The following IL22RA2 variants were observed in gnomAD, a reference collection of about 807,000 sequenced individuals.
IL22RA2 encodes interleukin-22 receptor subunit alpha-2.
IL22RA2 carries 39 observed loss-of-function variants against 30.7 expected under a neutral mutation model. The ratio of observed to expected loss-of-function variants is 1.27; its 90% CI spans 0.98 to 1.66. The LOEUF is 1.66. Among genes scored for constraint, IL22RA2 ranks in the 40% most tolerant of loss-of-function variants. IL22RA2 has a pLI of 0.00. For missense variants in IL22RA2, 315 were observed against 312.7 expected (o/e 1.01, Z -0.05); for synonymous variants, 103 against 105.0 (o/e 0.98, Z 0.11).
rs532853635 is a variant in IL22RA2, at chr6:137,144,302, C to T, written c.*1322G>A. 4 of 152,236 alleles carry T rather than the reference C, an allele frequency of 2.6e-5. No individual in the cohort carries two copies. The East Asian group carries it at 5.8e-4, about 22-fold the overall frequency. The allele number at this position is 152,236 out of a possible 1,614,324, so 9.4% of individuals were successfully genotyped here. A position where few individuals can be genotyped will look rare whatever the true frequency, so the allele number is the denominator to read the frequency against. On this transcript the variant is annotated 3_prime_UTR_variant, in exon 7 of 7. Transcript: ENST00000296980. ...AGCTCTTGCTCTGCCTCTTATTCTC[C>T]TCCACCCCCCAATACATTTCTGAAT...
chr6:137,171,352 T>C (rs955435476), intron 1 of IL22RA2, among the ~76,000 whole-genome samples: 11 of 152,164 alleles, frequency 7.2e-5, no homozygotes, highest in African/African-American at 2.4e-4. Flanking sequence ...AAATGGGAGA[T>C]GAAAAGTTTC....
chr6:137,155,254 A>T, intron 4 of IL22RA2, 135 bp from the exon 5 acceptor site: 1 of 596,826 alleles, frequency 1.7e-6, no homozygotes, highest in Non-Finnish European at 2.8e-6. Context: ...CCTCTTCAGA[A>T]TCTTTAAAAA....
intron 2 of IL22RA2, among the ~76,000 whole-genome samples, chr6:137,159,183 C>T (rs961225043): frequency 9.8e-5 from 15 of 152,330 alleles, no homozygotes; most frequent in Admixed American, 3.3e-4. Context: ...GTGCTTTCTT[C>T]CTCAAATCAG....
chr6:137,160,181 G>A (rs1486693125), intron 2 of IL22RA2, among the ~76,000 whole-genome samples: 1 of 152,188 alleles, frequency 6.6e-6, no homozygotes, highest in Non-Finnish European at 1.5e-5. Flanking sequence ...GAATTGATTT[G>A]CTAACATGAA....
chr6:137,172,416 G>T (rs1371239430), intron 1 of IL22RA2, among the ~76,000 whole-genome samples: 1 of 152,182 alleles, frequency 6.6e-6, no homozygotes, highest in African/African-American at 2.4e-5. Flanking sequence ...CTCTAGTTGT[G>T]TAATAGAACC....
Position 137,148,120 on chromosome 6 carries a change from AC to A in IL22RA2, c.473-230del, listed in dbSNP as rs1163473511. 3.9e-5 allele frequency among the ~76,000 whole-genome samples: 6 copies of A among 152,324 alleles called. No individual in the cohort carries two copies. The South Asian group carries it at 6.2e-4, about 16-fold the overall frequency. On this transcript the variant is annotated intron_variant, in intron 5 of 6. Transcript: ENST00000296980. ...AATTGCATATGTATTTGAATCTCGAACCTTTATAAATGTAGGGAGTGTTAGA... is the reference window on the plus strand; with the variant it reads ...AATTGCATATGTATTTGAATCTCGAACTTTATAAATGTAGGGAGTGTTAGA...
intron 3 of IL22RA2, 102 bp downstream of exon 3, chr6:137,158,245 T>G: frequency 1.4e-6 from 2 of 1,422,726 alleles, no homozygotes; most frequent in Non-Finnish European, 9.7e-7. Context: ...TCTCAACCCC[T>G]CTGAAACTGA....
intron 6 of IL22RA2, 87 bp downstream of exon 6, chr6:137,147,635 G>A (rs967852264): frequency 9.4e-7 from 1 of 1,065,794 alleles, no homozygotes; most frequent in Non-Finnish European, 1.3e-6. Context: ...AGGCAGAGTA[G>A]CAGAAGAGGA....
chr6:137,145,133 T>G lies in IL22RA2; in HGVS notation c.*491A>C, dbSNP rs1317743592. On this transcript the variant is annotated 3_prime_UTR_variant, in exon 7 of 7. Transcript: ENST00000296980. ...TATATTCATATAAAATAGAAATGTA[T>G]GAAAAATATTCACCTTTATAGAAGT... The G allele has an allele frequency of 6.6e-6, 1 of 151,860 alleles. No individual in the cohort carries two copies. Among genetic ancestry groups the G allele is most frequent in the East Asian group, 1.9e-4 (1 of 5,186 alleles). 9.4% of individuals were successfully genotyped at this position (151,860 alleles called of 1,614,324 possible).
chr6:137,167,260 C>T (rs2114395225), intron 1 of IL22RA2, among the ~76,000 whole-genome samples: 1 of 152,276 alleles, frequency 6.6e-6, no homozygotes, highest in South Asian at 2.1e-4. Context: ...ACTCAAACAG[C>T]CGTTAAAAAA....
At chr6:137,166,936 T>G (rs1233305602) in intron 1 of IL22RA2, among the ~76,000 whole-genome samples, 1 of 152,196 alleles carries the variant, frequency 6.6e-6, no homozygotes, top group Non-Finnish European at 1.5e-5. Context: ...CTACACCCTG[T>G]GAAAACCTGC....
intron 2 of IL22RA2, among the ~76,000 whole-genome samples, chr6:137,160,577 T>C (rs1236113483): frequency 6.6e-6 from 1 of 152,214 alleles, no homozygotes; most frequent in Non-Finnish European, 1.5e-5. Context: ...CTTTATCTTC[T>C]TCCTTCTTCC....
At chr6:137,157,832 C>G (rs1421942896) in intron 3 of IL22RA2, among the ~76,000 whole-genome samples, 1 of 152,148 alleles carries the variant, frequency 6.6e-6, no homozygotes, top group African/African-American at 2.4e-5. Flanking sequence ...GAGGAACATG[C>G]AGCAGCGTGT....
At chr6:137,172,773 C>T (rs553778233) in intron 1 of IL22RA2, among the ~76,000 whole-genome samples, 39 of 152,294 alleles carry the variant, frequency 2.6e-4, no homozygotes, top group Non-Finnish European at 4.6e-4. Context: ...TCTCTTCTTC[C>T]TTTCTTCTTG....
intron 5 of IL22RA2, among the ~76,000 whole-genome samples, chr6:137,151,557 AT>A (rs1329225511): frequency 6.6e-6 from 1 of 152,230 alleles, no homozygotes; most frequent in African/African-American, 2.4e-5. Flanking sequence ...AATAAATTGG[AT>A]TTCATCCAAG....
chr6:137,156,888 G>A (rs1217310328), intron 3 of IL22RA2, 34 bp from the exon 4 acceptor site: 1 of 1,593,222 alleles, frequency 6.3e-7, no homozygotes, highest in African/African-American at 1.3e-5. Flanking sequence ...CAGATCGTGT[G>A]AAGAGGCCAA....
intron 6 of IL22RA2, 131 bp downstream of exon 6, chr6:137,147,591 T>G: frequency 2.7e-6 from 2 of 734,706 alleles, no homozygotes; most frequent in East Asian, 3.3e-5. Flanking sequence ...TGGCTGAGAG[T>G]AAGAAGAAAT....
intron 4 of IL22RA2, 60 bp downstream of exon 4, chr6:137,156,699 T>G: frequency 6.3e-7 from 1 of 1,582,366 alleles, no homozygotes. Flanking sequence ...TCTTGGTCCA[T>G]TTAATGTTTC....
chr6:137,167,093 C>T (rs1357667207), intron 1 of IL22RA2, among the ~76,000 whole-genome samples: 1 of 152,188 alleles, frequency 6.6e-6, no homozygotes, highest in Non-Finnish European at 1.5e-5. Context: ...GGACATTATT[C>T]CTAGATTTCG....
Sources: gnomAD v4.1 joint callset for allele counts (sites outside exome capture counted in the v4.1 genomes callset) on GRCh38, gnomAD v4.1.1 for gene constraint, MANE v1.5 for transcripts, NCBI Gene and HGNC (gene_info 2026-07-23, HGNC 2026-07-21) for gene names.